Variants in MREG observed in about 807,000 individuals in gnomAD.
The protein encoded by MREG is melanoregulin.
Under a neutral mutation model 28.5 loss-of-function variants are expected in MREG, and 31 were observed. The ratio of observed to expected loss-of-function variants is 1.09; its 90% CI spans 0.82 to 1.47. MREG has a LOEUF of 1.47. Ranked by LOEUF, MREG falls within the 40% of genes most tolerant of loss-of-function variation. MREG has a pLI of 0.00. For synonymous variants in MREG, 106 were observed against 95.2 expected, an observed-to-expected ratio of 1.11 and a Z score of -0.66; for missense variants, 256 against 257.4, an observed-to-expected ratio of 0.99 and a Z score of 0.04.
In MREG at chr2:216,013,346, C is replaced by G; in HGVS notation, c.-19G>C. ...GCCCCATGGAGAGCGAGGGCCCCCACCGGCGCCGGAAGCCTGGGGCCGAGT... is the reference window on the plus strand; with the variant it reads ...GCCCCATGGAGAGCGAGGGCCCCCAGCGGCGCCGGAAGCCTGGGGCCGAGT... On this transcript the variant is annotated 5_prime_UTR_variant, in exon 1 of 5. Coordinates refer to ENST00000263268, the MANE Select transcript of MREG (RefSeq NM_018000.3). 6.6e-7 allele frequency: 1 copy of G among 1,505,604 alleles called. No individual in the cohort carries two copies. The highest frequency in any genetic ancestry group is 8.9e-7 in the Non-Finnish European group (1 of 1,126,626). The allele number at this position is 1,505,604 out of a possible 1,614,324, so 93.3% of individuals were successfully genotyped here. A position where few individuals can be genotyped will look rare whatever the true frequency, so the allele number is the denominator to read the frequency against.
rs114273935 is a variant in MREG, at chr2:215,961,932, C to T, written c.256-14819G>A. Among the ~76,000 whole-genome samples, 797 of 152,218 alleles carry T rather than the reference C, an allele frequency of 5.2e-3. 6 individuals are homozygous for T. The highest frequency in any genetic ancestry group is 7.0e-3 in the Non-Finnish European group (476 of 68,004). On this transcript the variant is annotated intron_variant, in intron 2 of 4. Transcript: ENST00000263268. The stretch of plus-strand genomic sequence containing the variant: ...GGTCAGTTCATCTCTATATACCATG[C>T]GGAGCCTCAAACCCCAAATCACACC...
Position 216,020,820 on chromosome 2 carries a change from C to T in MREG, c.-68+11969G>A, listed in dbSNP as rs562054697. ...GAATAGTCCTGTTGGGCCAAAGCCCCGCAAAACACACTACAGGAGCTCTCT... is the reference window on the plus strand; with the variant it reads ...GAATAGTCCTGTTGGGCCAAAGCCCTGCAAAACACACTACAGGAGCTCTCT... On this transcript the variant is annotated intron_variant, in intron 1 of 3. Transcript: ENST00000420348. Among the ~76,000 whole-genome samples, 22 of 152,282 alleles carry T rather than the reference C, an allele frequency of 1.4e-4. No homozygotes were observed. The South Asian group carries it at 2.3e-3, about 16-fold the overall frequency.
At chr2:215,950,640 A>G (rs904692851) in intron 2 of MREG, among the ~76,000 whole-genome samples, 2 of 152,248 alleles carry the variant, frequency 1.3e-5, no homozygotes, top group African/African-American at 4.8e-5. Context: ...GAATAATTAT[A>G]CATGAAAGTA....
chr2:215,947,894 G>C (rs1334059161), intron 2 of MREG, among the ~76,000 whole-genome samples: 1 of 152,094 alleles, frequency 6.6e-6, no homozygotes, highest in Non-Finnish European at 1.5e-5. Context: ...GGAGCATTGG[G>C]GTCTTTATTG....
intron 2 of MREG, among the ~76,000 whole-genome samples, chr2:215,963,047 G>C (rs1692833010): frequency 6.6e-6 from 1 of 152,176 alleles, no homozygotes; most frequent in Non-Finnish European, 1.5e-5. Flanking sequence ...AGGATTGCTT[G>C]AGGCTGGGAG....
chr2:215,952,374 T>A (rs1692513950), intron 2 of MREG, among the ~76,000 whole-genome samples: 1 of 152,176 alleles, frequency 6.6e-6, no homozygotes, highest in African/African-American at 2.4e-5. Flanking sequence ...GTAATGGATG[T>A]GTTAATTAAT....
chr2:215,968,643 A>C lies in MREG; in HGVS notation c.256-21530T>G, dbSNP rs76500843. ...TCCCTCTTACAAGCTTCCCCTCTGTAGCCTACAATCAAAACTTACTAGTCC... is the reference window on the plus strand; with the variant it reads ...TCCCTCTTACAAGCTTCCCCTCTGTCGCCTACAATCAAAACTTACTAGTCC... On this transcript the variant is annotated intron_variant, in intron 2 of 4. Coordinates refer to ENST00000263268, the MANE Select transcript of MREG (RefSeq NM_018000.3). Among the ~76,000 whole-genome samples, 1,106 of 152,276 alleles carry C rather than the reference A, an allele frequency of 7.3e-3. 11 individuals carry two copies. The highest frequency in any genetic ancestry group is 0.025 in the African/African-American group (1,020 of 41,562).
At chr2:215,978,291 A>G (rs1008728109) in intron 2 of MREG, among the ~76,000 whole-genome samples, 2 of 152,156 alleles carry the variant, frequency 1.3e-5, no homozygotes, top group Non-Finnish European at 2.9e-5. Context: ...AGAAGAAATG[A>G]ATAAATTCCT....
chr2:215,979,162 A>C (rs1693340893), intron 2 of MREG, among the ~76,000 whole-genome samples: 1 of 152,176 alleles, frequency 6.6e-6, no homozygotes. Context: ...TATTCCTGTT[A>C]ACATTTAAAA....
intron 2 of MREG, among the ~76,000 whole-genome samples, chr2:215,949,062 ACTACTACTACTAC>A (rs755138714): frequency 2.1e-4 from 29 of 141,230 alleles, no homozygotes; most frequent in South Asian, 4.7e-4. Context: ...TACTACTACT[ACTACTACTACTAC>A]TACTACTACT....
intron 2 of MREG, among the ~76,000 whole-genome samples, chr2:215,962,986 G>C (rs888402966): frequency 6.6e-6 from 1 of 152,112 alleles, no homozygotes; most frequent in Non-Finnish European, 1.5e-5. Flanking sequence ...ATATACAAAA[G>C]GCATAGTTGT....
chr2:215,979,978 C>CAAAAAAAA (rs5838560), intron 2 of MREG, among the ~76,000 whole-genome samples: 1 of 143,388 alleles, frequency 7.0e-6, no homozygotes, highest in Admixed American at 6.9e-5. Flanking sequence ...AACAAACAAA[C>CAAAAAAAA]AAAAAAAAAA....
intron 2 of MREG, among the ~76,000 whole-genome samples, chr2:215,950,754 T>A (rs1692460385): frequency 6.6e-6 from 1 of 152,194 alleles, no homozygotes; most frequent in Non-Finnish European, 1.5e-5. Context: ...AAGAGGAGAA[T>A]CTGGATTCCT....
intron 2 of MREG, among the ~76,000 whole-genome samples, chr2:215,965,063 A>G (rs933317633): frequency 6.6e-6 from 1 of 152,210 alleles, no homozygotes; most frequent in African/African-American, 2.4e-5. Flanking sequence ...CCTAAGAATG[A>G]TTATTTTTAA....
rs973754613 is a variant in MREG, at chr2:215,972,608, T to G, written c.255+23698A>C. Among the ~76,000 whole-genome samples, 3 of 124,450 alleles carry G rather than the reference T, an allele frequency of 2.4e-5. No individual in the cohort carries two copies. In the Admixed American group the frequency reaches 2.7e-4, roughly 11 times the overall value. The allele number at this position is 124,450 out of a possible 152,430, so 81.6% of individuals were successfully genotyped here. ...TTCAGTCTAGCCAATAGAGTGAGAC[T>G]CTCTCCCAGAAAAAAAAAAAAAAAA... On this transcript the variant is annotated intron_variant, in intron 2 of 4. Transcript: ENST00000263268.
intron 2 of MREG, among the ~76,000 whole-genome samples, chr2:215,975,008 T>TATATATATATATATATATATATATATA (rs1553550371): frequency 9.4e-6 from 1 of 106,608 alleles, no homozygotes; most frequent in African/African-American, 3.2e-5. Context: ...TTTATATGAA[T>TATATATATATATATATATATATATATA]TATATATATA....
intron 2 of MREG, among the ~76,000 whole-genome samples, chr2:215,964,880 T>C (rs201887486): frequency 1.1e-3 from 60 of 55,478 alleles, no homozygotes; most frequent in Admixed American, 1.4e-3. Context: ...GATAGATAGA[T>C]AGACAGACAG....
intron 1 of MREG, among the ~76,000 whole-genome samples, chr2:216,000,687 G>A (rs1693993749): frequency 6.6e-6 from 1 of 152,070 alleles, no homozygotes; most frequent in Non-Finnish European, 1.5e-5. Context: ...CACCTAGCAG[G>A]GTCCTAGGAC....
At chr2:216,009,168 C>T (rs1694233576) in intron 1 of MREG, among the ~76,000 whole-genome samples, 1 of 152,178 alleles carries the variant, frequency 6.6e-6, no homozygotes, top group South Asian at 2.1e-4. Context: ...TTATGTGTTT[C>T]TGCCTAAAGA....
Sources: allele counts gnomAD v4.1 joint callset (sites outside exome capture counted in the v4.1 genomes callset), GRCh38; gene constraint gnomAD v4.1.1; transcripts MANE v1.5; gene names NCBI Gene and HGNC (gene_info 2026-07-23, HGNC 2026-07-21).